JPH2: variants seen among roughly 807,000 people sequenced by gnomAD.
JPH2 encodes junctophilin-2.
In JPH2, 38 loss-of-function variants were observed where a neutral mutation model predicts 55.9. The ratio of observed to expected loss-of-function variants is 0.68; its 90% CI spans 0.52 to 0.89. The LOEUF (loss-of-function observed/expected upper bound fraction) is 0.89, where lower values mean the gene tolerates loss of function less well. Among genes scored for constraint, JPH2 ranks in the 40% least tolerant of loss-of-function variants. JPH2 has a pLI of 0.00. For missense variants in JPH2, 964 were observed against 1,037.6 expected (o/e 0.93, Z 0.97); for synonymous variants, 480 against 472.4 (o/e 1.02, Z -0.21).
intron 2 of JPH2, among the ~76,000 whole-genome samples, chr20:44,142,333 G>A (rs2072463314): frequency 1.3e-5 from 2 of 152,194 alleles, no homozygotes; most frequent in Non-Finnish European, 2.9e-5. Context: ...AACTTAAATG[G>A]CCACAGGTTG....
chr20:44,149,094 A>G (rs888518851), intron 2 of JPH2, among the ~76,000 whole-genome samples: 5 of 150,642 alleles, frequency 3.3e-5, no homozygotes, highest in African/African-American at 1.2e-4. Context: ...CCCTCCTCCA[A>G]TTAAAAAAAA....
At position 44,109,815 on chromosome 20, in the gene JPH2, G is replaced by C. The variant is rs986784321; in HGVS notation, c.*3703C>G. Among the ~76,000 whole-genome samples the C allele has an allele frequency of 1.3e-5, 2 of 152,160 alleles. No individual in the cohort carries two copies. The highest frequency in any genetic ancestry group is 4.8e-5 in the African/African-American group (2 of 41,438). ...CTCTCCCAGAACAGCCAGGTCTTCT[G>C]TGGGTCCATCAGATTATGAAACTTC... On this transcript the variant is annotated 3_prime_UTR_variant, in exon 6 of 6. Transcript: ENST00000372980.
chr20:44,163,461 G>T (rs1260613672), intron 1 of JPH2, among the ~76,000 whole-genome samples: 1 of 152,104 alleles, frequency 6.6e-6, no homozygotes, highest in African/African-American at 2.4e-5. Flanking sequence ...AGCACATTGA[G>T]CTCAGGATCC....
At position 44,116,338 on chromosome 20, in the gene JPH2, G is replaced by A; in HGVS notation, c.1337C>T (p.Ser446Leu). The change falls in exon 4 of 6, where the codon TCG becomes TTG. Residue 446 changes from serine (S) to leucine (L), a missense_variant. By Grantham distance (145) the Ser-to-Leu change is moderately radical (BLOSUM62 -2). Transcript: ENST00000372980. ...RRLLQEILEN[S>L]ESLLEPPDRG... ...GTCGGGGGGCTCCAGCAGGCTCTCC[G>A]AGTTCTCCAGGATCTCCTGCAGCAG... 1.9e-6 allele frequency: 3 copies of A among 1,546,486 alleles called. No homozygotes were observed. The highest frequency in any genetic ancestry group is 2.6e-6 in the Non-Finnish European group (3 of 1,146,500).
At chr20:44,126,957 G>A (rs1288046777) in intron 2 of JPH2, among the ~76,000 whole-genome samples, 2 of 152,206 alleles carry the variant, frequency 1.3e-5, no homozygotes, top group Non-Finnish European at 2.9e-5. Context: ...AAATGAGATA[G>A]CACAAATGTG....
chr20:44,160,051 C>A lies in JPH2; in HGVS notation c.736G>T (p.Val246Phe), dbSNP rs1326771127. The A allele has an allele frequency of 6.5e-7, 1 of 1,547,388 alleles. No homozygotes were observed. The highest frequency in any genetic ancestry group is 8.7e-7 in the Non-Finnish European group (1 of 1,152,898). ...RTSVGSQRSR[V>F]SFLKSDLSSG... ...CTGAGGTCGCTCTTAAGGAAGCTGA[C>A]ACGGCTGCGCTGGCTACCCACGGAC... is the stretch of plus-strand genomic sequence containing the variant. Residue 246 changes from valine to phenylalanine, a missense_variant, in exon 2 of 6, where the codon GTC becomes TTC. Coordinates refer to ENST00000372980, the MANE Select transcript of JPH2 (RefSeq NM_020433.5). The surrounding 1 kb of genome is among the most constrained non-coding windows in gnomAD (Gnocchi z 4.9).
At chr20:44,129,573 A>AAAAAAC (rs1569189183) in intron 2 of JPH2, among the ~76,000 whole-genome samples, 20 of 112,498 alleles carry the variant, frequency 1.8e-4, no homozygotes, top group Admixed American at 5.8e-4. Flanking sequence ...AAAAAAACAA[A>AAAAAAC]AAAAACAAAA....
chr20:44,155,773 C>T (rs1252612854), intron 2 of JPH2, among the ~76,000 whole-genome samples: 3 of 152,200 alleles, frequency 2.0e-5, no homozygotes, highest in Non-Finnish European at 4.4e-5. Flanking sequence ...TGGTGGCTCA[C>T]ACCTGTAATA....
At position 44,140,362 on chromosome 20, in the gene JPH2, T is replaced by C. The variant is rs183790939; in HGVS notation, c.1169+19256A>G. Among the ~76,000 whole-genome samples, 988 of 152,228 alleles carry C rather than the reference T, an allele frequency of 6.5e-3. 17 individuals carry two copies. The highest frequency in any genetic ancestry group is 0.023 in the African/African-American group (948 of 41,548). ...TCTAGAGAACCTGCTCTGTGGCATT[T>C]CCCACCCTCCACGTGGTGGGTCAGA... On this transcript the variant is annotated intron_variant, in intron 2 of 5. Coordinates refer to ENST00000372980, the MANE Select transcript of JPH2 (RefSeq NM_020433.5).
chr20:44,122,778 T>C (rs1446647196), intron 2 of JPH2, among the ~76,000 whole-genome samples: 3 of 152,176 alleles, frequency 2.0e-5, no homozygotes, highest in Admixed American at 6.5e-5. Flanking sequence ...ATGACATCTG[T>C]ACATCAAAAC....
chr20:44,182,946 G>T (rs1166879629), intron 1 of JPH2, among the ~76,000 whole-genome samples: 1 of 152,126 alleles, frequency 6.6e-6, no homozygotes, highest in Non-Finnish European at 1.5e-5. Context: ...ATTGGGAGAT[G>T]GGCCTATGGT....
At chr20:44,125,600 G>A (rs7268343) in intron 2 of JPH2, among the ~76,000 whole-genome samples, 21,547 of 152,148 alleles carry the variant, frequency 0.14, 1,714 homozygotes, top group Admixed American at 0.26. Flanking sequence ...CCCAGCAGCC[G>A]CCTGGGGAGC....
intron 2 of JPH2, among the ~76,000 whole-genome samples, chr20:44,144,094 G>A (rs534047095): frequency 5.3e-5 from 8 of 152,234 alleles, no homozygotes; most frequent in Middle Eastern, 3.4e-3. Flanking sequence ...TGTTGCAAAG[G>A]GGTTATTTTT....
intron 2 of JPH2, among the ~76,000 whole-genome samples, chr20:44,134,755 T>C (rs867241783): frequency 1.9e-5 from 2 of 106,842 alleles, no homozygotes; most frequent in African/African-American, 3.8e-5. Context: ...ATATATTTAT[T>C]ATAAATATAT....
At chr20:44,178,493 C>T (rs1003360258) in intron 1 of JPH2, among the ~76,000 whole-genome samples, 14 of 152,176 alleles carry the variant, frequency 9.2e-5, no homozygotes, top group African/African-American at 3.1e-4. Context: ...AGCCTCACTG[C>T]TAATAAGATG....
intron 1 of JPH2, among the ~76,000 whole-genome samples, chr20:44,180,337 T>TTA (rs2072769925): frequency 6.7e-6 from 1 of 149,900 alleles, no homozygotes; most frequent in African/African-American, 2.5e-5. Flanking sequence ...TTATATTTAT[T>TTA]TTATTTTTTT....
At chr20:44,115,453 T>C (rs1052609326) in intron 4 of JPH2, among the ~76,000 whole-genome samples, 14 of 152,160 alleles carry the variant, frequency 9.2e-5, no homozygotes, top group Admixed American at 8.5e-4. Flanking sequence ...GTAGGAGGAC[T>C]CCATGCGGCC....
In JPH2 at chr20:44,110,791, G is replaced by C. The variant is rs1418156464; in HGVS notation, c.*2727C>G. Among the ~76,000 whole-genome samples, 1 of 152,108 alleles carries C rather than the reference G, an allele frequency of 6.6e-6. No homozygotes were observed. The highest frequency in any genetic ancestry group is 1.9e-4 in the East Asian group (1 of 5,198). ...TGAGCCTCACAACTGCATTGCCTAT[G>C]AGGAAGACCATGGGGCAGGGATTAG... On this transcript the variant is annotated 3_prime_UTR_variant, in exon 6 of 6. Transcript: ENST00000372980.
intron 2 of JPH2, among the ~76,000 whole-genome samples, chr20:44,158,861 C>T (rs957086148): frequency 4.6e-5 from 7 of 151,934 alleles, no homozygotes; most frequent in East Asian, 1.9e-4. Flanking sequence ...TGAATGGATG[C>T]GTGGCTGGAT....
Sources: gnomAD v4.1 joint callset for allele counts (sites outside exome capture counted in the v4.1 genomes callset) on GRCh38, gnomAD v4.1.1 for gene constraint, Gnocchi (gnomAD v3.1) non-coding constraint, MANE v1.5 for transcripts, NCBI Gene and HGNC (gene_info 2026-07-23, HGNC 2026-07-21) for gene names.